The following FXYD2 variants were observed in gnomAD, a reference collection of about 807,000 sequenced individuals.
The protein encoded by FXYD2 is sodium/potassium-transporting ATPase subunit gamma.
FXYD2 carries 8 observed loss-of-function variants against 11.8 expected under a neutral mutation model. That is an observed-to-expected ratio of 0.68 (90% CI 0.40 to 1.22). The LOEUF (loss-of-function observed/expected upper bound fraction) is 1.22. Among genes scored for constraint, FXYD2 ranks in the 50% most tolerant of loss-of-function variants. FXYD2 has a pLI of 0.01. For synonymous variants in FXYD2, 42 were observed against 33.3 expected, an observed-to-expected ratio of 1.26 and a Z score of -0.90; for missense variants, 92 against 91.8, an observed-to-expected ratio of 1.00 and a Z score of -0.01.
chr11:117,820,753 G>C, intron 4 of FXYD2, 57 bp from the exon 5 acceptor site: 1 of 1,613,090 alleles, frequency 6.2e-7, no homozygotes, highest in East Asian at 2.2e-5. Flanking sequence ...TGGGTCTAGG[G>C]ATCTCTGAGG....
chr11:117,821,438 G>A (rs2055901330), intron 3 of FXYD2: 6 of 986,696 alleles, frequency 6.1e-6, no homozygotes, highest in Admixed American at 1.2e-4. Flanking sequence ...ATATTTACTG[G>A]AGCAGATCCA....
At chr11:117,826,059 G>A (rs566123010), upstream of FXYD2, among the ~76,000 whole-genome samples, 277 of 152,306 alleles carry the variant, frequency 1.8e-3, no homozygotes, top group African/African-American at 6.4e-3. Context: ...TGGTGGTGAG[G>A]GGAAGTGAGA....
Position 117,820,664 on chromosome 11 carries a change from A to C in FXYD2, c.*6+2T>G, listed in dbSNP as rs1591532032. ...CACCTTCCCCAGGCCCTCCTAGCATACCTGCTGTTACGGCTCATCTTCATT... is the reference window on the plus strand; with the variant it reads ...CACCTTCCCCAGGCCCTCCTAGCATCCCTGCTGTTACGGCTCATCTTCATT... On this transcript the variant is annotated splice_donor_variant, in intron 5 of 5. Transcript: ENST00000292079. LOFTEE classifies it low-confidence loss of function (3UTR_SPLICE). 1 of 1,613,824 alleles carries C rather than the reference A, an allele frequency of 6.2e-7. No individual in the cohort carries two copies. Among genetic ancestry groups the C allele is most frequent in the Non-Finnish European group, 8.5e-7 (1 of 1,179,882 alleles).
rs992732581 is a variant in FXYD2 at position 117,824,263 on chromosome 11, A to C, written c.25+391T>G. The C allele has an allele frequency of 2.4e-5, 8 of 333,484 alleles. No homozygotes were observed. The highest frequency in any genetic ancestry group is 4.0e-5 in the Non-Finnish European group (7 of 174,680). 20.7% of individuals were successfully genotyped at this position (333,484 alleles called of 1,614,324 possible). ...TTGAACTTGGCGGGCTCTCACCCCA[A>C]ATCCAGCCTAGGAAGGCTGACCAGA... is the stretch of plus-strand genomic sequence containing the variant. On this transcript the variant is annotated intron_variant, in intron 1 of 5. Coordinates refer to ENST00000292079, the MANE Select transcript of FXYD2 (RefSeq NM_001680.5). This position sits in a 1 kb window ranked among gnomAD's most constrained non-coding sequence, Gnocchi z 4.0.
At chr11:117,825,591 G>A (rs1169566530), upstream of FXYD2, among the ~76,000 whole-genome samples, 1 of 152,182 alleles carries the variant, frequency 6.6e-6, no homozygotes, top group Non-Finnish European at 1.5e-5. Context: ...GGCACAGAGA[G>A]GTAGGGGCCT....
At position 117,820,670 on chromosome 11, in the gene FXYD2, T is replaced by C. The variant is rs2055877037; in HGVS notation, c.*2A>G. The C allele has an allele frequency of 6.2e-7, 1 of 1,613,870 alleles. No individual in the cohort carries two copies. Among genetic ancestry groups the C allele is most frequent in the African/African-American group, 1.3e-5 (1 of 74,908 alleles). On this transcript the variant is annotated 3_prime_UTR_variant, in exon 5 of 6. Coordinates refer to ENST00000292079, the MANE Select transcript of FXYD2 (RefSeq NM_001680.5). Reference sequence around the variant, plus strand: ...CCCCAGGCCCTCCTAGCATACCTGCTGTTACGGCTCATCTTCATTGATTTG... The same window carrying C: ...CCCCAGGCCCTCCTAGCATACCTGCCGTTACGGCTCATCTTCATTGATTTG...
chr11:117,823,334 C>T (rs2055956354), intron 1 of FXYD2, among the ~76,000 whole-genome samples: 1 of 152,212 alleles, frequency 6.6e-6, no homozygotes, highest in Admixed American at 6.5e-5. Context: ...ACCATTATGG[C>T]AACCTTATGA....
chr11:117,826,822 A>ATCTATCTATCTG (rs751194466), upstream of FXYD2, among the ~76,000 whole-genome samples: 2 of 138,728 alleles, frequency 1.4e-5, no homozygotes, highest in South Asian at 2.4e-4. Flanking sequence ...CTATCTATCT[A>ATCTATCTATCTG]TCTGTCTATC....
upstream of FXYD2, among the ~76,000 whole-genome samples, chr11:117,827,567 C>T (rs2056071068): frequency 6.6e-6 from 1 of 152,172 alleles, no homozygotes; most frequent in Non-Finnish European, 1.5e-5. Flanking sequence ...ATTCTTTAGT[C>T]ATCACAATGA....
chr11:117,825,387 C>T (rs1226438086), upstream of FXYD2, among the ~76,000 whole-genome samples: 1 of 152,240 alleles, frequency 6.6e-6, no homozygotes, highest in African/African-American at 2.4e-5. Context: ...GCACTTCCTC[C>T]TACCACCATT....
At position 117,822,777 on chromosome 11, in the gene FXYD2, C is replaced by G. The variant is rs2055940693; in HGVS notation, c.26-60G>C. On this transcript the variant is annotated intron_variant, in intron 1 of 5. Transcript: ENST00000292079. This position sits in a 1 kb window ranked among gnomAD's most constrained non-coding sequence, Gnocchi z 4.7. ...ACCGATGGTGAGCCAGCCACAGGAACAGCTGGAATTCCCTGTCCTTCCCTT... is the reference window on the plus strand; with the variant it reads ...ACCGATGGTGAGCCAGCCACAGGAAGAGCTGGAATTCCCTGTCCTTCCCTT... 3.2e-6 allele frequency: 5 copies of G among 1,585,600 alleles called. No homozygotes were observed. The highest frequency in any genetic ancestry group is 4.3e-6 in the Non-Finnish European group (5 of 1,168,270).
At chr11:117,826,774 G>GTCTGTCTA (rs1555040274), upstream of FXYD2, among the ~76,000 whole-genome samples, 22 of 93,320 alleles carry the variant, frequency 2.4e-4, no homozygotes, top group East Asian at 7.7e-3. Context: ...CTGTCTGTCT[G>GTCTGTCTA]TCTGTCTATC....
chr11:117,822,151 C>T lies in FXYD2; in HGVS notation c.139+255G>A, dbSNP rs139978814. Reference sequence around the variant, plus strand: ...GTCTGGCCCTCCGGTTACCCAGTTACCCCGTGGGTTTGCTCTCACTTCTGC... The same window carrying T: ...GTCTGGCCCTCCGGTTACCCAGTTATCCCGTGGGTTTGCTCTCACTTCTGC... On this transcript the variant is annotated intron_variant, in intron 3 of 5. Transcript: ENST00000292079. This position sits in a 1 kb window ranked among gnomAD's most constrained non-coding sequence, Gnocchi z 4.7. The T allele has an allele frequency of 3.7e-4, 514 of 1,406,208 alleles. 3 individuals carry two copies. The African/African-American group carries it at 5.2e-3, about 14-fold the overall frequency. 87.1% of individuals were successfully genotyped at this position (1,406,208 alleles called of 1,614,324 possible).
upstream of FXYD2, among the ~76,000 whole-genome samples, chr11:117,827,428 T>A (rs1047877783): frequency 5.9e-5 from 9 of 152,168 alleles, no homozygotes; most frequent in African/African-American, 1.7e-4. Context: ...TTTGTATTTT[T>A]AGTAGAGACG....
Position 117,822,294 on chromosome 11 carries a change from G to C in FXYD2, c.139+112C>G. 1 of 1,544,666 alleles carries C rather than the reference G, an allele frequency of 6.5e-7. No homozygotes were observed. The highest frequency in any genetic ancestry group is 8.7e-7 in the Non-Finnish European group (1 of 1,145,530). Reference sequence around the variant, plus strand: ...TCCCACATCCTGCAGTGGGGGGCGTGGTGGGGAGGCTCACCCCTCCCTTGG... The same window carrying C: ...TCCCACATCCTGCAGTGGGGGGCGTCGTGGGGAGGCTCACCCCTCCCTTGG... On this transcript the variant is annotated intron_variant, in intron 3 of 5. Transcript: ENST00000292079. The surrounding 1 kb of genome is among the most constrained non-coding windows in gnomAD (Gnocchi z 4.7).
chr11:117,820,514 AT>A, intron 5 of FXYD2, 142 bp from the exon 6 acceptor site: 2 of 948,856 alleles, frequency 2.1e-6, no homozygotes, highest in Non-Finnish European at 1.6e-6. Flanking sequence ...CTTGGCCATC[AT>A]TTTAAACACA....
chr11:117,822,711 C>T lies in FXYD2; in HGVS notation c.32G>A (p.Ser11Asn), dbSNP rs985180049. Residue 11 changes from serine to asparagine, a missense_variant, in exon 2 of 6, where the codon AGC (serine) becomes AAC (asparagine). Transcript: ENST00000292079. The surrounding 1 kb of genome is among the most constrained non-coding windows in gnomAD (Gnocchi z 4.7). MTGLSMDGGG[S>N]PKGDVDPFYY... is the part of the protein sequence containing the mutation. The stretch of plus-strand genomic sequence containing the variant: ...GAACGGGTCCACGTCCCCCTTGGGG[C>T]TGCCGCCTAGGAGAGAGCCAGAGGT... The T allele has an allele frequency of 1.2e-6, 2 of 1,610,014 alleles. No individual in the cohort carries two copies. Among genetic ancestry groups the T allele is most frequent in the Non-Finnish European group, 1.7e-6 (2 of 1,179,076 alleles).
chr11:117,824,818 G>A (rs916649480), upstream of FXYD2: 10 of 1,129,798 alleles, frequency 8.9e-6, no homozygotes, highest in African/African-American at 1.5e-4. This position sits in a 1 kb window ranked among gnomAD's most constrained non-coding sequence, Gnocchi z 4.0. Flanking sequence ...TATTTACCCT[G>A]GTCACAAGAA....
At position 117,820,255 on chromosome 11, in the gene FXYD2, A is replaced by T. The variant is rs756608243; in HGVS notation, c.*124T>A. The T allele has an allele frequency of 3.4e-4, 69 of 200,816 alleles. 1 individual carries two copies. Among genetic ancestry groups the T allele is most frequent in the Admixed American group, 1.1e-4 (2 of 17,986 alleles). 12.4% of individuals were successfully genotyped at this position (200,816 alleles called of 1,614,324 possible). On this transcript the variant is annotated 3_prime_UTR_variant, in exon 6 of 6. Transcript: ENST00000292079. Reference sequence around the variant, plus strand: ...TTGAGTCTGGAGCTTCCTTCAGCCCAAGCGCTGGCAGTGACGGGGACAAAG... The same window carrying T: ...TTGAGTCTGGAGCTTCCTTCAGCCCTAGCGCTGGCAGTGACGGGGACAAAG...
Sources: gnomAD v4.1 joint callset for allele counts (sites outside exome capture counted in the v4.1 genomes callset) on GRCh38, gnomAD v4.1.1 for gene constraint, Gnocchi (gnomAD v3.1) non-coding constraint, MANE v1.5 for transcripts, NCBI Gene and HGNC (gene_info 2026-07-23, HGNC 2026-07-21) for gene names.